The following ACO2 variants were observed in gnomAD, a reference collection of about 807,000 sequenced individuals.
The protein encoded by ACO2 is aconitase 2, also known as aconitate hydratase, mitochondrial.
In ACO2, 31 loss-of-function variants were observed where a neutral mutation model predicts 84.5. The ratio of observed to expected loss-of-function variants is 0.37; its 90% CI spans 0.28 to 0.50. The LOEUF (loss-of-function observed/expected upper bound fraction) is 0.50. Ranked by LOEUF, ACO2 falls within the 20% of genes least tolerant of loss-of-function variation. The probability of loss-of-function intolerance (pLI) is 0.97; values close to 1 mark genes in which losing one functional copy is unlikely to be tolerated. For synonymous variants in ACO2, 414 were observed against 412.7 expected, an observed-to-expected ratio of 1.00 and a Z score of -0.04; for missense variants, 685 against 1,029.3, an observed-to-expected ratio of 0.67 and a Z score of 4.58.
At chr22:41,499,052 C>T (rs1352217383) in intron 1 of ACO2, among the ~76,000 whole-genome samples, 1 of 151,166 alleles carries the variant, frequency 6.6e-6, no homozygotes, top group East Asian at 1.9e-4. Flanking sequence ...AGCCGAGATC[C>T]CACCACTGCA....
intron 8 of ACO2, among the ~76,000 whole-genome samples, chr22:41,519,344 C>T (rs532102831): frequency 6.6e-6 from 1 of 152,316 alleles, no homozygotes; most frequent in East Asian, 1.9e-4. Flanking sequence ...CCTCTGTAGG[C>T]CCCTTGCTCC....
chr22:41,507,535 C>T (rs1258087328), intron 2 of ACO2, among the ~76,000 whole-genome samples: 1 of 152,206 alleles, frequency 6.6e-6, no homozygotes, highest in African/African-American at 2.4e-5. Flanking sequence ...GCGCTGCCCT[C>T]TTGTGATGTT....
At chr22:41,520,639 G>A (rs1346732422) in intron 9 of ACO2, among the ~76,000 whole-genome samples, 2 of 151,870 alleles carry the variant, frequency 1.3e-5, no homozygotes, top group Non-Finnish European at 2.9e-5. Context: ...TCAGGAGATC[G>A]AGACCATCCT....
At position 41,504,086 on chromosome 22, in the gene ACO2, A is replaced by G. The variant is rs149538521; in HGVS notation, c.174-3705A>G. 3.4e-3 allele frequency among the ~76,000 whole-genome samples: 523 copies of G among 151,930 alleles called. 4 individuals carry two copies. The highest frequency in any genetic ancestry group is 0.031 in the Middle Eastern group (9 of 292). ...AAAAAATTAGTCAGGCATGGTGGCG[A>G]GCGCCTGTAATCCCGGCCACTCGGG... On this transcript the variant is annotated intron_variant, in intron 2 of 17. Coordinates refer to ENST00000216254, the MANE Select transcript of ACO2 (RefSeq NM_001098.3).
chr22:41,509,815 C>CT (rs137832), intron 3 of ACO2, among the ~76,000 whole-genome samples: 58,590 of 107,724 alleles, frequency 0.54, 17,628 homozygotes, highest in East Asian at 0.75. Flanking sequence ...AGAATATGGT[C>CT]TTTTTTTTTT....
Position 41,528,853 on chromosome 22 carries a change from GTA to G in ACO2, c.*242_*243del. 1.8e-6 allele frequency: 1 copy of G among 551,530 alleles called. No homozygotes were observed. The highest frequency in any genetic ancestry group is 2.5e-5 in the South Asian group (1 of 40,332). 34.2% of individuals were successfully genotyped at this position (551,530 alleles called of 1,614,324 possible). On this transcript the variant is annotated 3_prime_UTR_variant, in exon 18 of 18. Coordinates refer to ENST00000216254, the MANE Select transcript of ACO2 (RefSeq NM_001098.3). ...AGATCTTAAGCAGCTCCATGCAACT[GTA>G]TTTATTTTTGATGACAAGACTCCCA...
In ACO2 at chr22:41,504,711, C is replaced by CTTTTTTTTTTTTTTTTT. The variant is rs926246283; in HGVS notation, c.174-3066_174-3050dup. Among the ~76,000 whole-genome samples, 3 of 48,604 alleles carry CTTTTTTTTTTTTTTTTT rather than the reference C, an allele frequency of 6.2e-5. 1 individual carries two copies. 31.9% of individuals were successfully genotyped at this position (48,604 alleles called of 152,430 possible). A position where few individuals can be genotyped will look rare whatever the true frequency, so the allele number is the denominator to read the frequency against. On this transcript the variant is annotated intron_variant, in intron 2 of 17. Transcript: ENST00000216254. ...GCCAGCAGATCCAGCACCTTAGGGA[C>CTTTTTTTTTTTTTTTTT]TTTTTTTTTTTTTTTTTTTTTTTTT...
At chr22:41,502,830 G>A (rs772694821) in intron 2 of ACO2, among the ~76,000 whole-genome samples, 10 of 151,960 alleles carry the variant, frequency 6.6e-5, no homozygotes, top group Non-Finnish European at 1.0e-4. Flanking sequence ...GGCTGGTCTC[G>A]AACTCCTGAC....
intron 8 of ACO2, among the ~76,000 whole-genome samples, chr22:41,519,839 C>T (rs891005418): frequency 3.3e-5 from 5 of 151,790 alleles, no homozygotes; most frequent in Non-Finnish European, 7.4e-5. Flanking sequence ...AAAGCAACAT[C>T]GAATGGGAGA....
chr22:41,487,779 CAGAT>C (rs1007423403), intron 1 of ACO2, among the ~76,000 whole-genome samples: 14 of 152,048 alleles, frequency 9.2e-5, no homozygotes, highest in African/African-American at 3.4e-4. Context: ...ACTTGGGTAT[CAGAT>C]AGTCCAATGT....
intron 16 of ACO2, 68 bp downstream of exon 16, chr22:41,527,488 C>G: frequency 1.3e-6 from 2 of 1,543,192 alleles, no homozygotes; most frequent in South Asian, 1.2e-5. Context: ...TCTCCCTGCC[C>G]GTGGCTGAGT....
chr22:41,469,676 G>A (rs748343817), intron 1 of ACO2, among the ~76,000 whole-genome samples: 10 of 152,156 alleles, frequency 6.6e-5, no homozygotes, highest in Non-Finnish European at 1.2e-4. Flanking sequence ...TGAGGACCCT[G>A]CGGAACGTGG....
At chr22:41,519,769 C>G (rs2066507564) in intron 8 of ACO2, among the ~76,000 whole-genome samples, 2 of 151,246 alleles carry the variant, frequency 1.3e-5, no homozygotes, top group Admixed American at 1.3e-4. Context: ...GATCGTGCCA[C>G]TGCACTCCAG....
intron 3 of ACO2, among the ~76,000 whole-genome samples, chr22:41,510,437 A>G (rs895872978): frequency 6.6e-6 from 1 of 152,194 alleles, no homozygotes; most frequent in African/African-American, 2.4e-5. Context: ...CTGGAAACCC[A>G]CGTTCTTTGC....
chr22:41,499,741 C>T lies in ACO2; in HGVS notation c.52C>T (p.Arg18Trp), dbSNP rs201569120. The T allele has an allele frequency of 9.8e-5, 158 of 1,612,586 alleles. No homozygotes were observed. Among genetic ancestry groups the T allele is most frequent in the East Asian group, 1.6e-4 (7 of 44,886 alleles). Reference protein sequence around the residue: ...VTRLQKALGVRQYHVASVLCQ... With the variant: ...VTRLQKALGVWQYHVASVLCQ... ...CTTCTTGCAGAAAGCTCTGGGTGTG[C>T]GGCAGTACCATGTGGCCTCAGTCCT... Residue 18 changes from arginine (R) to tryptophan (W), a missense_variant, in exon 2 of 18, where the codon CGG becomes TGG. Arg to Trp is a moderately radical substitution (Grantham distance 101). This residue lies in a region of ACO2 where 98 missense variants were observed against 107.6 expected (regional missense o/e 0.91). Transcript: ENST00000216254.
intron 1 of ACO2, among the ~76,000 whole-genome samples, chr22:41,478,768 T>C (rs1326756767): frequency 1.3e-5 from 2 of 148,784 alleles, no homozygotes; most frequent in African/African-American, 5.0e-5. Context: ...TATCTTCTTT[T>C]TTTTTTTTTT....
At chr22:41,511,245 T>C (rs1241350691) in intron 3 of ACO2, among the ~76,000 whole-genome samples, 1 of 152,250 alleles carries the variant, frequency 6.6e-6, no homozygotes, top group Non-Finnish European at 1.5e-5. Context: ...CGATCTCGGC[T>C]CATTGCATCC....
intron 2 of ACO2, among the ~76,000 whole-genome samples, chr22:41,506,495 C>G (rs1385506947): frequency 6.6e-6 from 1 of 152,110 alleles, no homozygotes; most frequent in South Asian, 2.1e-4. Context: ...CCTCATGATC[C>G]GCCTGTCTCG....
chr22:41,507,158 G>A (rs1053677230), intron 2 of ACO2, among the ~76,000 whole-genome samples: 4 of 152,238 alleles, frequency 2.6e-5, no homozygotes, highest in East Asian at 1.9e-4. Flanking sequence ...CCCGGTCTCT[G>A]TTCTTGAAAA....
Sources: allele counts gnomAD v4.1 joint callset (sites outside exome capture counted in the v4.1 genomes callset), GRCh38; gene constraint gnomAD v4.1.1; regional missense constraint gnomAD v4.1.1; transcripts MANE v1.5; gene names NCBI Gene and HGNC (gene_info 2026-07-23, HGNC 2026-07-21).